BROX: variants seen among roughly 807,000 people sequenced by gnomAD.
BROX encodes the protein BRO1 domain and CAAX motif containing.
In BROX, 53 loss-of-function variants were observed where a neutral mutation model predicts 61.0. The ratio of observed to expected loss-of-function variants is 0.87; its 90% CI spans 0.70 to 1.09. The LOEUF is 1.09. Among genes scored for constraint, BROX ranks in the 50% least tolerant of loss-of-function variants. The probability of loss-of-function intolerance (pLI) is 0.00; values close to 1 mark genes in which losing one functional copy is unlikely to be tolerated. For missense variants in BROX, 489 were observed against 472.0 expected (o/e 1.04, Z -0.33); for synonymous variants, 152 against 160.2 (o/e 0.95, Z 0.38).
rs1571960072 is a variant in BROX at position 222,715,798 on chromosome 1, C to A, written c.99C>A (p.Cys33Ter). Residue 33 changes from cysteine to a stop codon, truncating the protein, a stop_gained and splice_region_variant, in exon 2 of 13, where the codon TGC becomes TGA. Coordinates refer to ENST00000340934, the MANE Select transcript of BROX (RefSeq NM_144695.4). LOFTEE classifies it high-confidence loss of function. ...VVTGPSASKI[C>*]NDLRSSRARL... is the part of the protein sequence containing the mutation. ...CTGGCCCTTCTGCTTCAAAAATATG[C>A]AAGTAAGTTTATTGATTGAACCACT... The A allele has an allele frequency of 3.2e-6, 5 of 1,576,514 alleles. No individual in the cohort carries two copies. The highest frequency in any genetic ancestry group is 4.3e-6 in the Non-Finnish European group (5 of 1,156,820).
At chr1:222,720,143 A>T (rs1656959244) in intron 4 of BROX, among the ~76,000 whole-genome samples, 1 of 152,192 alleles carries the variant, frequency 6.6e-6, no homozygotes, top group Admixed American at 6.5e-5. Context: ...CTGCATGAAC[A>T]TCTGCTTCTT....
At chr1:222,713,025 T>C in intron 1 of BROX, 83 bp downstream of exon 1, 1 of 1,163,660 alleles carries the variant, frequency 8.6e-7, no homozygotes, top group Non-Finnish European at 1.1e-6. Context: ...TCACCCCCTT[T>C]TACATTAGTC....
chr1:222,718,082 G>GCTAT (rs1337147473), intron 2 of BROX: 3 of 152,130 alleles, frequency 2.0e-5, no homozygotes, highest in African/African-American at 7.2e-5. Context: ...TATAGTTGAA[G>GCTAT]CTATACTAAT....
Position 222,732,998 on chromosome 1 carries a change from A to G in BROX, c.*284A>G, listed in dbSNP as rs1658052037. On this transcript the variant is annotated 3_prime_UTR_variant, in exon 13 of 13. Transcript: ENST00000340934. ...TCTTTTTGTTAAACTCTGGATAGTA[A>G]TAAGTTTCAGGTCAGTATAGGCCCG... 3.2e-6 allele frequency: 1 copy of G among 309,324 alleles called. No homozygotes were observed. Among genetic ancestry groups the G allele is most frequent in the Non-Finnish European group, 5.9e-6 (1 of 170,580 alleles). The allele number at this position is 309,324 out of a possible 1,614,324, so 19.2% of individuals were successfully genotyped here.
At chr1:222,722,065 C>T (rs749342392) in intron 4 of BROX, among the ~76,000 whole-genome samples, 5 of 152,140 alleles carry the variant, frequency 3.3e-5, no homozygotes, top group Non-Finnish European at 5.9e-5. Context: ...CTTTGAGAAT[C>T]GACTGAGTAC....
At chr1:222,719,392 C>G (rs778881987) in intron 4 of BROX, 33 bp downstream of exon 4, 1 of 1,474,314 alleles carries the variant, frequency 6.8e-7, no homozygotes, top group Non-Finnish European at 9.5e-7. Flanking sequence ...TAAATTGGAG[C>G]CAGTTTTTGT....
chr1:222,724,271 A>G, intron 6 of BROX, 107 bp downstream of exon 6: 2 of 884,658 alleles, frequency 2.3e-6, no homozygotes, highest in Non-Finnish European at 1.7e-6. Flanking sequence ...ATATTAAAAA[A>G]GGTACTATGT....
intron 4 of BROX, among the ~76,000 whole-genome samples, chr1:222,721,627 A>G (rs1657105624): frequency 6.6e-6 from 1 of 152,158 alleles, no homozygotes; most frequent in Non-Finnish European, 1.5e-5. Flanking sequence ...TGTTATGAAT[A>G]TCTTATTTGC....
Position 222,731,387 on chromosome 1 carries a change from A to G in BROX, c.1020A>G (p.Pro340=), listed in dbSNP as rs1302354006. ...TTCAAAAAATTCCAACAGAAGCCCC[A>G]CAGCTGGAACTCAAAGCAAATTATG... The part of the protein sequence containing the change: ...IYFQKIPTEA[P]QLELKANYGL... The change falls in exon 12 of 13, where the codon CCA becomes CCG. Residue 340 remains proline, a synonymous_variant. Transcript: ENST00000340934. 1.9e-6 allele frequency: 3 copies of G among 1,571,278 alleles called. No homozygotes were observed. Among genetic ancestry groups the G allele is most frequent in the Non-Finnish European group, 2.6e-6 (3 of 1,168,108 alleles).
chr1:222,722,644 T>G, intron 5 of BROX, 130 bp downstream of exon 5: 1 of 668,230 alleles, frequency 1.5e-6, no homozygotes, highest in Non-Finnish European at 2.5e-6. Context: ...ATGTTAGTAT[T>G]TTGAGTGTCA....
chr1:222,717,434 A>G (rs1259823492), intron 2 of BROX, among the ~76,000 whole-genome samples: 1 of 152,178 alleles, frequency 6.6e-6, no homozygotes, highest in East Asian at 1.9e-4. Flanking sequence ...AAATTCTGTA[A>G]TTTAAGATGA....
chr1:222,728,658 G>T, intron 8 of BROX, 85 bp from the exon 9 acceptor site: 2 of 802,040 alleles, frequency 2.5e-6, no homozygotes, highest in Non-Finnish European at 3.9e-6. Context: ...CATTCTTTCT[G>T]CTTTTATCAT....
intron 2 of BROX, among the ~76,000 whole-genome samples, chr1:222,716,184 C>T (rs147129894): frequency 0.034 from 5,184 of 152,172 alleles, 151 homozygotes; most frequent in Non-Finnish European, 0.051. Context: ...CTGCAACCTC[C>T]GCCTCCTGGG....
chr1:222,715,775 G>A lies in BROX; in HGVS notation c.76G>A (p.Gly26Ser). The A allele has an allele frequency of 6.3e-7, 1 of 1,591,046 alleles. No individual in the cohort carries two copies. The change falls in exon 2 of 13, where the codon GGC (glycine) becomes AGC (serine). Residue 26 changes from glycine to serine, a missense_variant. Gly to Ser is a moderately conservative substitution (Grantham distance 56). Coordinates refer to ENST00000340934, the MANE Select transcript of BROX (RefSeq NM_144695.4). ...VSFNYYGVVTGPSASKICNDL... is the reference protein window; with the variant it reads ...VSFNYYGVVTSPSASKICNDL... ...TTTTAATTACTATGGTGTAGTCACT[G>A]GCCCTTCTGCTTCAAAAATATGCAA...
intron 1 of BROX, chr1:222,714,067 G>C (rs977705296): frequency 6.6e-6 from 1 of 152,120 alleles, no homozygotes; most frequent in African/African-American, 2.4e-5. Flanking sequence ...ATTTTTTAGT[G>C]CCTTCAAATT....
intron 1 of BROX, among the ~76,000 whole-genome samples, chr1:222,714,406 G>GTA (rs1656382962): frequency 1.3e-5 from 2 of 150,874 alleles, no homozygotes; most frequent in South Asian, 4.2e-4. Flanking sequence ...CACCGTGTTA[G>GTA]CCAGGATGGT....
In BROX at chr1:222,732,629, C is replaced by T. The variant is rs1452952838; in HGVS notation, c.1151C>T (p.Thr384Ile). Reference sequence around the variant, plus strand: ...AAACTGTGGTTTTTTTCTCCCTAGACTAAACCCAAACCAGAAGAAGAAGTG... The same window carrying T: ...AAACTGTGGTTTTTTTCTCCCTAGATTAAACCCAAACCAGAAGAAGAAGTG... ...DLTKRPKDDSTKPKPEEEVKP... is the reference protein window; with the variant it reads ...DLTKRPKDDSIKPKPEEEVKP... Residue 384 changes from threonine to isoleucine, a missense_variant and splice_region_variant, in exon 13 of 13, where the codon ACT (threonine) becomes ATT (isoleucine). Physicochemically the swap from Thr to Ile is moderately conservative, Grantham distance 89. Coordinates refer to ENST00000340934, the MANE Select transcript of BROX (RefSeq NM_144695.4). 1.9e-6 allele frequency: 3 copies of T among 1,612,320 alleles called. No homozygotes were observed. The highest frequency in any genetic ancestry group is 2.5e-6 in the Non-Finnish European group (3 of 1,179,048).
intron 12 of BROX, among the ~76,000 whole-genome samples, chr1:222,731,888 A>G (rs540776632): frequency 2.6e-5 from 4 of 152,324 alleles, no homozygotes; most frequent in African/African-American, 9.6e-5. Flanking sequence ...TAATTTCAGT[A>G]TTCTGTGAAT....
At chr1:222,713,260 G>A in intron 1 of BROX, 14 of 986,134 alleles carry the variant, frequency 1.4e-5, no homozygotes, top group Non-Finnish European at 1.7e-5. Flanking sequence ...TGACAGTATC[G>A]GCTTTCCACA....
Sources: gnomAD v4.1 joint callset for allele counts (sites outside exome capture counted in the v4.1 genomes callset) on GRCh38, gnomAD v4.1.1 for gene constraint, MANE v1.5 for transcripts, NCBI Gene and HGNC (gene_info 2026-07-23, HGNC 2026-07-21) for gene names.